Variants in CDH12 observed in about 807,000 individuals in gnomAD.
CDH12 encodes cadherin 12, also known as cadherin-12.
Under a neutral mutation model 74.1 loss-of-function variants are expected in CDH12, and 41 were observed. That is an observed-to-expected ratio of 0.55 (90% CI 0.43 to 0.72). The LOEUF (loss-of-function observed/expected upper bound fraction) is 0.72, where lower values mean the gene tolerates loss of function less well. CDH12 is among the 30% of genes least tolerant of loss of function. The pLI, the probability that CDH12 is intolerant of heterozygous loss-of-function variation, is 0.00. For synonymous variants in CDH12, 399 were observed against 355.0 expected (o/e 1.12, Z -1.39); for missense variants, 945 against 977.2 (o/e 0.97, Z 0.44).
Position 21,867,322 on chromosome 5 carries a change from T to A in CDH12, c.527-12532A>T, listed in dbSNP as rs181830363. Among the ~76,000 whole-genome samples, 86 of 152,156 alleles carry A rather than the reference T, an allele frequency of 5.7e-4. 1 individual carries two copies. Among genetic ancestry groups the A allele is most frequent in the African/African-American group, 2.0e-3 (84 of 41,516 alleles). ...GTGAGCTGAGGTCACGCCATTACAC[T>A]CCAGCCTGGGGGACAAGAGTGAGAC... On this transcript the variant is annotated intron_variant, in intron 6 of 14. Transcript: ENST00000382254.
At chr5:21,842,655 A>G (rs1316679082) in intron 7 of CDH12, among the ~76,000 whole-genome samples, 1 of 152,196 alleles carries the variant, frequency 6.6e-6, no homozygotes, top group Non-Finnish European at 1.5e-5. Flanking sequence ...TTTAAAAAGA[A>G]GAAATCATTA....
intron 3 of CDH12, among the ~76,000 whole-genome samples, chr5:22,335,146 GA>G (rs911991820): frequency 2.6e-5 from 4 of 151,546 alleles, no homozygotes; most frequent in Middle Eastern, 3.4e-3. Flanking sequence ...AACTCTATGT[GA>G]AAAAAAAATC....
intron 5 of CDH12, among the ~76,000 whole-genome samples, chr5:22,051,176 A>AT (rs1234961703): frequency 2.0e-5 from 3 of 152,184 alleles, no homozygotes; most frequent in African/African-American, 7.2e-5. Context: ...CCTTCTGCAG[A>AT]TGGACCCACC....
intron 3 of CDH12, among the ~76,000 whole-genome samples, chr5:22,296,384 T>C (rs1737624880): frequency 6.6e-6 from 1 of 152,140 alleles, no homozygotes; most frequent in Admixed American, 6.5e-5. Context: ...TATATGTCTC[T>C]AGTTAATAAA....
intron 1 of CDH12, among the ~76,000 whole-genome samples, chr5:22,516,635 A>C (rs761748277): frequency 1.6e-4 from 24 of 152,036 alleles, no homozygotes; most frequent in Non-Finnish European, 2.8e-4. Flanking sequence ...TCTCCACAAA[A>C]AATACAAAAA....
chr5:22,443,186 A>T (rs1170104078), intron 2 of CDH12, among the ~76,000 whole-genome samples: 2 of 152,154 alleles, frequency 1.3e-5, no homozygotes, highest in Non-Finnish European at 2.9e-5. Context: ...GATCATCATC[A>T]TAGCAGAGTA....
At chr5:22,361,877 A>C (rs184159582) in intron 3 of CDH12, among the ~76,000 whole-genome samples, 125 of 152,342 alleles carry the variant, frequency 8.2e-4, no homozygotes, top group African/African-American at 2.7e-3. Context: ...GACTAGCCAT[A>C]TGGAGAAACC....
chr5:22,281,241 A>T (rs112091513), intron 3 of CDH12, among the ~76,000 whole-genome samples: 3 of 152,174 alleles, frequency 2.0e-5, no homozygotes, highest in Admixed American at 2.0e-4. Context: ...AATAAGAGCT[A>T]TTTATGACAA....
chr5:22,120,859 T>A (rs116296995), intron 4 of CDH12, among the ~76,000 whole-genome samples: 7,464 of 152,230 alleles, frequency 0.049, 261 homozygotes, highest in Non-Finnish European at 0.068. Context: ...ACAGGTTTTT[T>A]AAAAATCAAA....
intron 1 of CDH12, among the ~76,000 whole-genome samples, chr5:22,669,104 T>C (rs751490432): frequency 3.3e-5 from 5 of 152,256 alleles, no homozygotes; most frequent in Middle Eastern, 3.4e-3. Context: ...CATTTTTTTT[T>C]CCTTTAGCCA....
intron 4 of CDH12, among the ~76,000 whole-genome samples, chr5:22,145,310 A>T (rs2150303035): frequency 6.6e-6 from 1 of 152,210 alleles, no homozygotes; most frequent in South Asian, 2.1e-4. Context: ...GCTAGCAATG[A>T]GGGGGATCTA....
chr5:21,909,784 G>A (rs1298308291), intron 6 of CDH12, among the ~76,000 whole-genome samples: 1 of 152,058 alleles, frequency 6.6e-6, no homozygotes, highest in African/African-American at 2.4e-5. Flanking sequence ...TCAGAATGAA[G>A]GACAATTTAA....
intron 5 of CDH12, among the ~76,000 whole-genome samples, chr5:21,982,113 G>A (rs1251651828): frequency 6.6e-6 from 1 of 152,078 alleles, no homozygotes. Flanking sequence ...TATTTAAATC[G>A]GTAGGCTGAA....
intron 5 of CDH12, among the ~76,000 whole-genome samples, chr5:22,032,006 TA>T (rs199498506): frequency 5.4e-5 from 8 of 147,298 alleles, no homozygotes; most frequent in Admixed American, 1.4e-4. Flanking sequence ...CTTCAATTTA[TA>T]AAAAAAAAAT....
chr5:22,218,205 C>T (rs982466268), intron 3 of CDH12, among the ~76,000 whole-genome samples: 3 of 151,580 alleles, frequency 2.0e-5, no homozygotes, highest in African/African-American at 4.8e-5. Flanking sequence ...AAAAGTTAAA[C>T]GTATGCCTAT....
intron 1 of CDH12, among the ~76,000 whole-genome samples, chr5:22,571,827 T>G (rs759602512): frequency 2.6e-5 from 4 of 152,124 alleles, no homozygotes; most frequent in African/African-American, 9.7e-5. Context: ...ATTAATTGAT[T>G]AAGTTTGCCA....
intron 2 of CDH12, among the ~76,000 whole-genome samples, chr5:22,471,691 G>C (rs1398959653): frequency 6.6e-6 from 1 of 152,104 alleles, no homozygotes; most frequent in African/African-American, 2.4e-5. Context: ...GGTTACCAAT[G>C]ACTTCACATG....
At chr5:22,060,311 C>T (rs778562924) in intron 5 of CDH12, among the ~76,000 whole-genome samples, 1 of 150,606 alleles carries the variant, frequency 6.6e-6, no homozygotes, top group Admixed American at 6.6e-5. Flanking sequence ...CACACTGGGG[C>T]CTGTTGGGGG....
chr5:22,555,727 A>G (rs1357841374), intron 1 of CDH12, among the ~76,000 whole-genome samples: 4 of 152,050 alleles, frequency 2.6e-5, no homozygotes, highest in African/African-American at 9.7e-5. Flanking sequence ...GGGCTTCCTT[A>G]AGGATTTATT....
Sources: allele counts gnomAD v4.1 joint callset (sites outside exome capture counted in the v4.1 genomes callset), GRCh38; gene constraint gnomAD v4.1.1; transcripts MANE v1.5; gene names NCBI Gene and HGNC (gene_info 2026-07-23, HGNC 2026-07-21).